The following GJA1 variants were observed in gnomAD, a reference collection of about 807,000 sequenced individuals.
GJA1 encodes gap junction protein alpha 1.
Under a neutral mutation model 31.0 loss-of-function variants are expected in GJA1, and 9 were observed. The observed-to-expected ratio is 0.29, with a 90% CI of 0.17 to 0.51. The LOEUF is 0.51. Ranked by LOEUF, GJA1 falls within the 20% of genes least tolerant of loss-of-function variation. GJA1 has a pLI of 0.98. For missense variants in GJA1, 278 were observed against 468.8 expected, an observed-to-expected ratio of 0.59 and a Z score of 3.76; for synonymous variants, 186 against 180.1, an observed-to-expected ratio of 1.03 and a Z score of -0.26.
At chr6:121,443,203 G>A (rs1300395246) in intron 1 of GJA1, among the ~76,000 whole-genome samples, 1 of 152,098 alleles carries the variant, frequency 6.6e-6, no homozygotes, top group East Asian at 1.9e-4. Flanking sequence ...GTGCAGCAGG[G>A]AGGAACAACC....
At chr6:121,438,486 G>A (rs140218631) in intron 1 of GJA1, among the ~76,000 whole-genome samples, 20 of 152,288 alleles carry the variant, frequency 1.3e-4, no homozygotes, top group Non-Finnish European at 2.8e-4. Flanking sequence ...AAAACACGGG[G>A]TGCATTCTTT....
intron 1 of GJA1, among the ~76,000 whole-genome samples, chr6:121,445,609 T>G (rs191504467): frequency 4.6e-5 from 7 of 152,340 alleles, no homozygotes; most frequent in African/African-American, 1.7e-4. Context: ...CTTTTCTGGC[T>G]GGAGAAAACA....
intron 1 of GJA1, among the ~76,000 whole-genome samples, chr6:121,443,891 G>C (rs1773840029): frequency 6.6e-6 from 1 of 152,128 alleles, no homozygotes; most frequent in South Asian, 2.1e-4. Context: ...TGAAATATGT[G>C]AGCAAAAGCA....
intron 1 of GJA1, among the ~76,000 whole-genome samples, chr6:121,437,365 T>C (rs1407578115): frequency 1.5e-5 from 2 of 131,894 alleles, no homozygotes; most frequent in Admixed American, 7.3e-5. Flanking sequence ...TTTTTTTTTT[T>C]CTTTTTCTTT....
At chr6:121,438,328 C>T (rs1773704163) in intron 1 of GJA1, among the ~76,000 whole-genome samples, 1 of 152,138 alleles carries the variant, frequency 6.6e-6, no homozygotes, top group African/African-American at 2.4e-5. Flanking sequence ...TCACCCTTGG[C>T]GACTGTGATA....
chr6:121,443,222 A>C (rs887673925), intron 1 of GJA1, among the ~76,000 whole-genome samples: 11 of 152,160 alleles, frequency 7.2e-5, no homozygotes, highest in Non-Finnish European at 1.6e-4. Flanking sequence ...CCAGTTGCCA[A>C]AATTTGATTC....
At chr6:121,436,187 G>GGT (rs1554200308) in intron 1 of GJA1, among the ~76,000 whole-genome samples, 1 of 128,062 alleles carries the variant, frequency 7.8e-6, no homozygotes, top group Admixed American at 8.1e-5. Flanking sequence ...TGTTGGGTGG[G>GGT]GGGGGGGCGG....
intron 1 of GJA1, among the ~76,000 whole-genome samples, chr6:121,438,264 G>A (rs1032656418): frequency 1.3e-5 from 2 of 152,174 alleles, no homozygotes; most frequent in African/African-American, 4.8e-5. Context: ...GTTTAAACAT[G>A]TTCCACATTT....
intron 1 of GJA1, among the ~76,000 whole-genome samples, chr6:121,441,822 T>C (rs1209799963): frequency 6.6e-6 from 1 of 152,082 alleles, no homozygotes; most frequent in Non-Finnish European, 1.5e-5. Flanking sequence ...ATGGCTGAGA[T>C]CAAGCTAAGG....
At chr6:121,442,440 T>G (rs1383725507) in intron 1 of GJA1, among the ~76,000 whole-genome samples, 1 of 152,180 alleles carries the variant, frequency 6.6e-6, no homozygotes, top group Non-Finnish European at 1.5e-5. Flanking sequence ...CAGATGGAGA[T>G]GTAAGGAGTG....
At chr6:121,438,019 G>A (rs1773697952) in intron 1 of GJA1, among the ~76,000 whole-genome samples, 1 of 151,816 alleles carries the variant, frequency 6.6e-6, no homozygotes, top group Non-Finnish European at 1.5e-5. Context: ...AATGAAATAA[G>A]CCAGTTAGAC....
intron 1 of GJA1, among the ~76,000 whole-genome samples, chr6:121,439,706 G>A (rs540274129): frequency 2.3e-4 from 35 of 152,266 alleles, no homozygotes; most frequent in African/African-American, 7.5e-4. Flanking sequence ...GGATGCTAAT[G>A]TAAGTTCAGT....
chr6:121,438,862 CTATG>C (rs1773715774), intron 1 of GJA1, among the ~76,000 whole-genome samples: 1 of 152,020 alleles, frequency 6.6e-6, no homozygotes, highest in African/African-American at 2.4e-5. Flanking sequence ...CACCTTTTAA[CTATG>C]TATGTACAGA....
intron 1 of GJA1, among the ~76,000 whole-genome samples, chr6:121,441,280 G>A (rs1298339761): frequency 6.6e-6 from 1 of 151,968 alleles, no homozygotes; most frequent in African/African-American, 2.4e-5. Flanking sequence ...GTAGAGATGG[G>A]ATTTCACTAT....
chr6:121,447,275 G>A lies in GJA1; in HGVS notation c.428G>A (p.Gly143Asp). 6.2e-7 allele frequency: 1 copy of A among 1,614,144 alleles called. No individual in the cohort carries two copies. The highest frequency in any genetic ancestry group is 8.5e-7 in the Non-Finnish European group (1 of 1,180,014). ...KKFKYGIEEH[G>D]KVKMRGGLLR... is the part of the protein sequence containing the mutation. ...TTCAAGTACGGTATTGAAGAGCATG[G>A]TAAGGTGAAAATGCGAGGGGGGTTG... Residue 143 changes from glycine (G) to aspartate (D), a missense_variant, in exon 2 of 2, where the codon GGT (glycine) becomes GAT (aspartate). This residue lies in a region of GJA1 where 80 missense variants were observed against 163.5 expected (regional missense o/e 0.49). Coordinates refer to ENST00000282561, the MANE Select transcript of GJA1 (RefSeq NM_000165.5).
At chr6:121,444,265 A>G (rs758426776) in intron 1 of GJA1, among the ~76,000 whole-genome samples, 1 of 152,196 alleles carries the variant, frequency 6.6e-6, no homozygotes, top group Non-Finnish European at 1.5e-5. Flanking sequence ...TTCAGAATCT[A>G]AAATGACCCT....
In GJA1 at chr6:121,447,098, T is replaced by G. The variant is rs1209697885; in HGVS notation, c.251T>G (p.Phe84Cys). The G allele has an allele frequency of 6.2e-7, 1 of 1,613,954 alleles. No individual in the cohort carries two copies. Among genetic ancestry groups the G allele is most frequent in the East Asian group, 2.2e-5 (1 of 44,876 alleles). The change falls in exon 2 of 2, where the codon TTT becomes TGT. Residue 84 changes from phenylalanine to cysteine, a missense_variant. Physicochemically the swap from Phe to Cys is radical, Grantham distance 205. Around this residue, in one of 3 missense-constraint regions of GJA1, gnomAD observed 26 missense variants for 114.4 expected, o/e 0.23. Coordinates refer to ENST00000282561, the MANE Select transcript of GJA1 (RefSeq NM_000165.5). ...HVRFWVLQII[F>C]VSVPTLLYLA... ...CGCTTCTGGGTCCTGCAGATCATAT[T>G]TGTGTCTGTACCCACACTCTTGTAC...
rs1773925171 is a variant in GJA1, at chr6:121,448,330, G to C, written c.*334G>C. On this transcript the variant is annotated 3_prime_UTR_variant, in exon 2 of 2. Coordinates refer to ENST00000282561, the MANE Select transcript of GJA1 (RefSeq NM_000165.5). ...CCCCTAAGAATGGTTCTGTGTATGT[G>C]AATGAGCGGGTGGTAATTGTGGCTA... The C allele has an allele frequency of 2.9e-6, 1 of 342,268 alleles. No individual in the cohort carries two copies. The highest frequency in any genetic ancestry group is 5.7e-6 in the Non-Finnish European group (1 of 174,242). The allele number at this position is 342,268 out of a possible 1,614,324, so 21.2% of individuals were successfully genotyped here. A position where few individuals can be genotyped will look rare whatever the true frequency, so the allele number is the denominator to read the frequency against.
intron 1 of GJA1, among the ~76,000 whole-genome samples, chr6:121,445,132 G>T (rs1773864991): frequency 6.6e-6 from 1 of 152,120 alleles, no homozygotes; most frequent in South Asian, 2.1e-4. Flanking sequence ...ACAACTTTGG[G>T]GATTCTTGTT....
Sources: gnomAD v4.1 joint callset for allele counts (sites outside exome capture counted in the v4.1 genomes callset) on GRCh38, gnomAD v4.1.1 for gene constraint, gnomAD v4.1.1 regional missense constraint, MANE v1.5 for transcripts, NCBI Gene and HGNC (gene_info 2026-07-23, HGNC 2026-07-21) for gene names.